The following ANGPT1 variants were observed in gnomAD, a reference collection of about 807,000 sequenced individuals.
ANGPT1 encodes angiopoietin 1, also known as angiopoietin-1.
ANGPT1 carries 17 observed loss-of-function variants against 62.2 expected under a neutral mutation model. The observed-to-expected ratio is 0.27, with a 90% CI of 0.19 to 0.41. The LOEUF is 0.41. ANGPT1 is among the 10% of genes least tolerant of loss of function. ANGPT1 has a pLI of 1.00. For synonymous variants in ANGPT1, 199 were observed against 198.9 expected, an observed-to-expected ratio of 1.00 and a Z score of 0.00; for missense variants, 478 against 594.9, an observed-to-expected ratio of 0.80 and a Z score of 2.04.
intron 1 of ANGPT1, among the ~76,000 whole-genome samples, chr8:107,495,742 A>G (rs1172393952): frequency 2.6e-5 from 4 of 152,214 alleles, no homozygotes; most frequent in Non-Finnish European, 5.9e-5. Context: ...TTACAATGGA[A>G]ATAAATTTTA....
intron 1 of ANGPT1, among the ~76,000 whole-genome samples, chr8:107,423,967 A>G (rs1810969999): frequency 6.7e-6 from 1 of 148,776 alleles, no homozygotes; most frequent in South Asian, 2.1e-4. Flanking sequence ...CAGCCTCCCG[A>G]GTAGCTAGGA....
chr8:107,352,447 G>T (rs960095079), intron 1 of ANGPT1, among the ~76,000 whole-genome samples: 1 of 152,088 alleles, frequency 6.6e-6, no homozygotes, highest in South Asian at 2.1e-4. Context: ...ATGACCAGGG[G>T]AGAACTGATG....
chr8:107,348,565 A>G (rs1815862583), intron 1 of ANGPT1, among the ~76,000 whole-genome samples: 1 of 152,208 alleles, frequency 6.6e-6, no homozygotes, highest in Non-Finnish European at 1.5e-5. Flanking sequence ...ATAAAAGTTT[A>G]TTATAAAACA....
chr8:107,364,312 A>C (rs983744782), intron 1 of ANGPT1, among the ~76,000 whole-genome samples: 15 of 152,004 alleles, frequency 9.9e-5, no homozygotes, highest in African/African-American at 3.6e-4. Context: ...ACAGCGCCTC[A>C]CTCTGTCACC....
At chr8:107,272,936 A>G (rs1257755573) in intron 7 of ANGPT1, among the ~76,000 whole-genome samples, 2 of 150,320 alleles carry the variant, frequency 1.3e-5, no homozygotes, top group African/African-American at 4.9e-5. Context: ...TGACACCAAG[A>G]CCCCTGTTTA....
chr8:107,296,155 T>C (rs1331513415), intron 5 of ANGPT1, among the ~76,000 whole-genome samples: 1 of 151,950 alleles, frequency 6.6e-6, no homozygotes, highest in Non-Finnish European at 1.5e-5. Flanking sequence ...CTTAAATAAG[T>C]AAAGAAAAAG....
intron 6 of ANGPT1, among the ~76,000 whole-genome samples, chr8:107,293,228 T>TGAC (rs1443820107): frequency 2.0e-5 from 3 of 151,716 alleles, no homozygotes; most frequent in Non-Finnish European, 4.4e-5. Context: ...ATGATGATGA[T>TGAC]GATGATGATG....
chr8:107,425,669 G>C (rs1480859368), intron 1 of ANGPT1, among the ~76,000 whole-genome samples: 2 of 152,138 alleles, frequency 1.3e-5, no homozygotes, highest in Non-Finnish European at 2.9e-5. Context: ...CGATCCTGGG[G>C]TTATCCCAAC....
At chr8:107,269,989 T>G (rs998259593) in intron 7 of ANGPT1, among the ~76,000 whole-genome samples, 3 of 152,098 alleles carry the variant, frequency 2.0e-5, no homozygotes, top group Non-Finnish European at 2.9e-5. Context: ...ATTTCAGTAA[T>G]TATAAAGACT....
At chr8:107,308,582 C>T (rs1283180473) in intron 4 of ANGPT1, among the ~76,000 whole-genome samples, 1 of 152,066 alleles carries the variant, frequency 6.6e-6, no homozygotes, top group African/African-American at 2.4e-5. Context: ...ACCAGGAAGG[C>T]TACCTAGAAG....
At chr8:107,272,775 CTG>C (rs886444624) in intron 7 of ANGPT1, among the ~76,000 whole-genome samples, 1 of 150,420 alleles carries the variant, frequency 6.6e-6, no homozygotes, top group Non-Finnish European at 1.5e-5. Flanking sequence ...TATATGAGAT[CTG>C]TGACAATGAA....
rs1030224710 is a variant in ANGPT1, at chr8:107,387,208, A to C, written c.298-40111T>G. ...AGTGGTAGAAGACAGAGAAAGGAAG[A>C]TACTAAGGATCAAAGGTGCCAAGTA... On this transcript the variant is annotated intron_variant, in intron 1 of 8. Coordinates refer to ENST00000517746, the MANE Select transcript of ANGPT1 (RefSeq NM_001146.5). Among the ~76,000 whole-genome samples the C allele has an allele frequency of 2.8e-4, 43 of 152,244 alleles. 1 individual carries two copies. The highest frequency in any genetic ancestry group is 8.4e-4 in the African/African-American group (35 of 41,570).
intron 4 of ANGPT1, among the ~76,000 whole-genome samples, chr8:107,304,744 T>A (rs1387412822): frequency 1.3e-5 from 2 of 151,940 alleles, no homozygotes; most frequent in Admixed American, 1.3e-4. Context: ...TCAGATATGT[T>A]GCCACAGCAG....
chr8:107,416,799 C>A (rs115623453), intron 1 of ANGPT1, among the ~76,000 whole-genome samples: 158 of 130,136 alleles, frequency 1.2e-3, no homozygotes, highest in African/African-American at 4.3e-3. Context: ...GTCAGATAAT[C>A]TTTTTTTTTT....
At chr8:107,465,922 CAGTTCTAGG>C (rs1251646796) in intron 1 of ANGPT1, among the ~76,000 whole-genome samples, 2 of 152,094 alleles carry the variant, frequency 1.3e-5, no homozygotes, top group Non-Finnish European at 2.9e-5. Context: ...CTAGGAGGTG[CAGTTCTAGG>C]AACAAGTTCC....
intron 1 of ANGPT1, among the ~76,000 whole-genome samples, chr8:107,388,940 C>T (rs2130297346): frequency 6.6e-6 from 1 of 152,242 alleles, no homozygotes; most frequent in South Asian, 2.1e-4. Flanking sequence ...AGGAGCCTGA[C>T]ATATTGTTTA....
chr8:107,430,069 G>A (rs574783925), intron 1 of ANGPT1, among the ~76,000 whole-genome samples: 4 of 152,158 alleles, frequency 2.6e-5, no homozygotes, highest in Admixed American at 6.5e-5. Context: ...CTTCTGAAAC[G>A]TACTGAAAGA....
chr8:107,435,797 TA>T (rs1366380357), intron 1 of ANGPT1, among the ~76,000 whole-genome samples: 64 of 152,342 alleles, frequency 4.2e-4, no homozygotes, highest in Middle Eastern at 3.4e-3. Context: ...GATACAATTG[TA>T]AGCATACTGT....
chr8:107,257,152 G>A (rs533675276), intron 8 of ANGPT1, among the ~76,000 whole-genome samples: 20 of 152,142 alleles, frequency 1.3e-4, no homozygotes, highest in African/African-American at 4.3e-4. Flanking sequence ...GAGCCACCGC[G>A]CTCAGCCTCA....
Sources: gnomAD v4.1 joint callset for allele counts (sites outside exome capture counted in the v4.1 genomes callset) on GRCh38, gnomAD v4.1.1 for gene constraint, MANE v1.5 for transcripts, NCBI Gene and HGNC (gene_info 2026-07-23, HGNC 2026-07-21) for gene names.